Variants in EGFL7 observed in about 807,000 individuals in gnomAD.
EGFL7 encodes epidermal growth factor-like protein 7.
A neutral mutation model predicts 37.1 loss-of-function variants in EGFL7; 48 were observed. That is an observed-to-expected ratio of 1.29 (90% CI 1.03 to 1.65). The LOEUF (loss-of-function observed/expected upper bound fraction) is 1.65. Among genes scored for constraint, EGFL7 ranks in the 40% most tolerant of loss-of-function variants. The probability of loss-of-function intolerance (pLI) is 0.00; values close to 1 mark genes in which losing one functional copy is unlikely to be tolerated. For missense variants in EGFL7, 384 were observed against 378.9 expected, an observed-to-expected ratio of 1.01 and a Z score of -0.11; for synonymous variants, 180 against 156.8, an observed-to-expected ratio of 1.15 and a Z score of -1.10.
Position 136,668,679 on chromosome 9 carries a change from TGCCCCACCACACCGAGCTCACCCA to T in EGFL7, c.197+13_197+36del, listed in dbSNP as rs770381358. Reference sequence around the variant, plus strand: ...CGGGCCTGCAGCACCTACCGGTGAGTGCCCCACCACACCGAGCTCACCCAGCCCCAGCCTCCCAAGTCGGCCACA... The same window carrying T: ...CGGGCCTGCAGCACCTACCGGTGAGTGCCCCAGCCTCCCAAGTCGGCCACA... On this transcript the variant is annotated splice_region_variant and intron_variant, in intron 5 of 10. Transcript: ENST00000308874. 1.3e-6 allele frequency: 2 copies of T among 1,596,202 alleles called. No individual in the cohort carries two copies. Among genetic ancestry groups the T allele is most frequent in the African/African-American group, 2.7e-5 (2 of 74,666 alleles).
In EGFL7 at chr9:136,672,586, G is replaced by A; in HGVS notation, c.*300G>A. 1.8e-6 allele frequency: 1 copy of A among 551,606 alleles called. No homozygotes were observed. Among genetic ancestry groups the A allele is most frequent in the South Asian group, 2.4e-5 (1 of 42,512 alleles). 34.2% of individuals were successfully genotyped at this position (551,606 alleles called of 1,614,324 possible). ...GGTACGAGCTCCCTGCTGGAGCCTG[G>A]GACCCATGGCACAGGCCAGGCAGCC... On this transcript the variant is annotated 3_prime_UTR_variant, in exon 11 of 11. Coordinates refer to ENST00000308874, the MANE Select transcript of EGFL7 (RefSeq NM_016215.5).
At chr9:136,659,030 G>A (rs564126242), upstream of EGFL7, 121 of 152,318 alleles carry the variant, frequency 7.9e-4, no homozygotes, top group African/African-American at 2.8e-3. Context: ...TCCAGTCCTG[G>A]GCCTCCGTTT....
chr9:136,670,591 C>T (rs750158992), intron 8 of EGFL7: 24 of 777,606 alleles, frequency 3.1e-5, no homozygotes, highest in Non-Finnish European at 4.5e-5. Flanking sequence ...TTCTGGAAGA[C>T]GCCACGCCTC....
At chr9:136,659,784 C>T (rs1845024348), upstream of EGFL7, among the ~76,000 whole-genome samples, 1 of 152,260 alleles carries the variant, frequency 6.6e-6, no homozygotes, top group African/African-American at 2.4e-5. Flanking sequence ...GCTTCCTGCC[C>T]CTGCCGGGCC....
chr9:136,660,528 G>GGT (rs1411029507), upstream of EGFL7: 2 of 152,360 alleles, frequency 1.3e-5, no homozygotes, highest in Non-Finnish European at 2.9e-5. Context: ...GGCAGCAGGC[G>GGT]GTGCCCAGCC....
At chr9:136,668,831 G>T (rs1478299994) in intron 5 of EGFL7, among the ~76,000 whole-genome samples, 158 bp downstream of exon 5, 1 of 152,116 alleles carries the variant, frequency 6.6e-6, no homozygotes, top group South Asian at 2.1e-4. Flanking sequence ...GACCCAGGGC[G>T]GCCGGAGCCA....
In EGFL7 at chr9:136,666,311, C is replaced by T. The variant is rs927715018; in HGVS notation, c.-43+1526C>T. On this transcript the variant is annotated intron_variant, in intron 3 of 10. Coordinates refer to ENST00000308874, the MANE Select transcript of EGFL7 (RefSeq NM_016215.5). The surrounding 1 kb of genome is among the most constrained non-coding windows in gnomAD (Gnocchi z 6.8). ...GCCGCGAGGGGTCCGCCAGTGCCTG[C>T]GGCGCAGCCAGGCCCCTCCCTCTGC... Among the ~76,000 whole-genome samples the T allele has an allele frequency of 6.7e-6, 1 of 149,788 alleles. No individual in the cohort carries two copies.
chr9:136,667,945 C>A (rs535826577), intron 3 of EGFL7, among the ~76,000 whole-genome samples: 2 of 152,164 alleles, frequency 1.3e-5, no homozygotes, highest in Non-Finnish European at 2.9e-5. Context: ...CCATCCTTCC[C>A]GGAGCCTCGG....
chr9:136,668,973 G>A (rs958040049), intron 5 of EGFL7, among the ~76,000 whole-genome samples: 1 of 152,102 alleles, frequency 6.6e-6, no homozygotes, highest in Non-Finnish European at 1.5e-5. Flanking sequence ...CCACTTCCGG[G>A]GGACTAACCC....
At chr9:136,671,284 G>A (rs1845872359) in intron 9 of EGFL7, among the ~76,000 whole-genome samples, 2 of 114,850 alleles carry the variant, frequency 1.7e-5, no homozygotes, top group Non-Finnish European at 4.0e-5. Flanking sequence ...GCGTCGGGGG[G>A]GGAGGCAGGC....
intron 9 of EGFL7, 120 bp downstream of exon 9, chr9:136,671,134 G>A (rs1845847916): frequency 1.3e-6 from 1 of 742,508 alleles, no homozygotes; most frequent in Non-Finnish European, 2.2e-6. Flanking sequence ...AGGCATCGGG[G>A]GGGTAGGCAG....
In EGFL7 at chr9:136,672,217, G is replaced by C. The variant is rs200994189; in HGVS notation, c.800-47G>C. The C allele has an allele frequency of 5.0e-5, 81 of 1,613,102 alleles. No homozygotes were observed. The African/African-American group carries it at 9.6e-4, about 19-fold the overall frequency. On this transcript the variant is annotated intron_variant, in intron 10 of 10. Coordinates refer to ENST00000308874, the MANE Select transcript of EGFL7 (RefSeq NM_016215.5). Reference sequence around the variant, plus strand: ...CCAGTCAGATCTAGCTGGGCGGGGAGGCTGTGGGGAGCAGTGATCTCTGAC... The same window carrying C: ...CCAGTCAGATCTAGCTGGGCGGGGACGCTGTGGGGAGCAGTGATCTCTGAC...
chr9:136,671,798 A>G, intron 9 of EGFL7, 128 bp from the exon 10 acceptor site: 1 of 1,261,200 alleles, frequency 7.9e-7, no homozygotes, highest in South Asian at 1.7e-5. Context: ...TCTAGTGGAC[A>G]CTTGGAGCCC....
chr9:136,668,702 C>T, intron 5 of EGFL7, 29 bp downstream of exon 5: 1 of 1,561,330 alleles, frequency 6.4e-7, no homozygotes, highest in Non-Finnish European at 8.7e-7. Context: ...CGAGCTCACC[C>T]AGCCCCAGCC....
In EGFL7 at chr9:136,668,259, C is replaced by A; in HGVS notation, c.-24C>A. 2.5e-6 allele frequency: 4 copies of A among 1,585,216 alleles called. No individual in the cohort carries two copies. Among genetic ancestry groups the A allele is most frequent in the Admixed American group, 1.8e-5 (1 of 55,816 alleles). On this transcript the variant is annotated 5_prime_UTR_variant, in exon 4 of 11. Coordinates refer to ENST00000308874, the MANE Select transcript of EGFL7 (RefSeq NM_016215.5). ...GCCCCAGGCCACCCAGAGGAGAAGG[C>A]CACCCCGCCTGGAGGCACAGGCCAT...
intron 3 of EGFL7, among the ~76,000 whole-genome samples, 158 bp from the exon 4 acceptor site, chr9:136,668,083 G>A (rs1040786725): frequency 6.6e-6 from 1 of 152,206 alleles, no homozygotes; most frequent in African/African-American, 2.4e-5. Context: ...TGGAAGAGGG[G>A]GCCAGCGGAG....
intron 3 of EGFL7, among the ~76,000 whole-genome samples, 177 bp from the exon 4 acceptor site, chr9:136,668,064 C>A (rs1845588110): frequency 6.6e-6 from 1 of 152,222 alleles, no homozygotes; most frequent in East Asian, 1.9e-4. Context: ...TGGCGAGGGT[C>A]TGGCTAGCTG....
At chr9:136,670,365 C>T (rs372956566) in intron 8 of EGFL7, 35 bp downstream of exon 8, 19 of 1,512,258 alleles carry the variant, frequency 1.3e-5, no homozygotes, top group East Asian at 2.5e-5. Context: ...CCTGGGGAGG[C>T]GGGCAGGCAG....
At chr9:136,660,965 G>T (rs879475022), upstream of EGFL7, among the ~76,000 whole-genome samples, 2 of 152,184 alleles carry the variant, frequency 1.3e-5, no homozygotes, top group African/African-American at 4.8e-5. Flanking sequence ...CTTCCACCAG[G>T]AGGCCAGGGC....
Sources: allele counts gnomAD v4.1 joint callset (sites outside exome capture counted in the v4.1 genomes callset), GRCh38; gene constraint gnomAD v4.1.1; non-coding constraint Gnocchi (gnomAD v3.1); transcripts MANE v1.5; gene names NCBI Gene and HGNC (gene_info 2026-07-23, HGNC 2026-07-21).